Variants in TADA2A observed in about 807,000 individuals in gnomAD.
TADA2A encodes the protein transcriptional adaptor 2A.
TADA2A carries 38 observed loss-of-function variants against 67.4 expected under a neutral mutation model. The ratio of observed to expected loss-of-function variants is 0.56; its 90% confidence interval spans 0.44 to 0.74. TADA2A has a LOEUF of 0.74. Among genes scored for constraint, TADA2A ranks in the 30% least tolerant of loss-of-function variants. The pLI, the probability that TADA2A is intolerant of heterozygous loss-of-function variation, is 0.00. For missense variants in TADA2A, 454 were observed against 547.0 expected, an observed-to-expected ratio of 0.83 and a Z score of 1.70; for synonymous variants, 192 against 181.6, an observed-to-expected ratio of 1.06 and a Z score of -0.46.
rs1476301221 is a variant in TADA2A at position 37,423,015 on chromosome 17, C to T, written c.26-494C>T. ...GAGCTTTGAGAGGCCAAGGCAGGAA[C>T]ATTCTTTGAACCTAAAAGTTCAAGA... On this transcript the variant is annotated intron_variant, in intron 2 of 15. Coordinates refer to ENST00000615182, the MANE Select transcript of TADA2A (RefSeq NM_001166105.3). Among the ~76,000 whole-genome samples the T allele has an allele frequency of 2.6e-5, 4 of 152,144 alleles. No individual in the cohort carries two copies. In the East Asian group the frequency reaches 7.7e-4, roughly 29 times the overall value.
chr17:37,428,551 C>T (rs1219836009), intron 4 of TADA2A, among the ~76,000 whole-genome samples: 3 of 152,136 alleles, frequency 2.0e-5, no homozygotes, highest in African/African-American at 7.2e-5. Context: ...CCTTATCTTT[C>T]CTGTGCTGAA....
intron 3 of TADA2A, 190 bp from the exon 4 acceptor site, chr17:37,426,760 C>G: frequency 2.1e-6 from 1 of 480,408 alleles, no homozygotes; most frequent in Non-Finnish European, 3.6e-6. Flanking sequence ...TACAAGGATC[C>G]CTTGAGCCTA....
At position 37,478,130 on chromosome 17, in the gene TADA2A, A is replaced by AC. The variant is rs397939727; in HGVS notation, c.*1149dup. 26 of 150,736 alleles carry AC rather than the reference A, an allele frequency of 1.7e-4. No homozygotes were observed. Among genetic ancestry groups the AC allele is most frequent in the African/African-American group, 6.1e-4 (25 of 40,906 alleles). 9.3% of individuals were successfully genotyped at this position (150,736 alleles called of 1,614,324 possible). ...GAGACTCTGTCTCAAAAAAAAAAAA[A>AC]CAAAAAAAAACCTTTAATGTCTGGC... is the stretch of plus-strand genomic sequence containing the variant. On this transcript the variant is annotated 3_prime_UTR_variant, in exon 16 of 16. Coordinates refer to ENST00000615182, the MANE Select transcript of TADA2A (RefSeq NM_001166105.3).
intron 10 of TADA2A, 65 bp from the exon 11 acceptor site, chr17:37,465,366 A>T (rs1298021127): frequency 1.5e-6 from 2 of 1,309,036 alleles, no homozygotes; most frequent in Non-Finnish European, 2.1e-6. Flanking sequence ...AAAAAAAAAA[A>T]AATGCTGAAA....
intron 8 of TADA2A, among the ~76,000 whole-genome samples, chr17:37,455,914 A>C (rs1486401171): frequency 1.4e-5 from 2 of 143,714 alleles, no homozygotes; most frequent in African/African-American, 5.0e-5. Context: ...GATAGGAAAC[A>C]AGAATGGGGC....
chr17:37,442,552 A>G lies in TADA2A; in HGVS notation c.443-12A>G. On this transcript the variant is annotated splice_polypyrimidine_tract_variant and intron_variant, in intron 6 of 15. Coordinates refer to ENST00000615182, the MANE Select transcript of TADA2A (RefSeq NM_001166105.3). ...GTATTAGTTAACTCAGAAACCTTCT[A>G]AATTCTTCCAGCTACAGATGACCCT... The G allele has an allele frequency of 2.5e-6, 4 of 1,611,496 alleles. No individual in the cohort carries two copies. Among genetic ancestry groups the G allele is most frequent in the Non-Finnish European group, 3.4e-6 (4 of 1,178,112 alleles).
Position 37,443,423 on chromosome 17 carries a change from T to C in TADA2A, c.531+771T>C, listed in dbSNP as rs146953222. Among the ~76,000 whole-genome samples, 885 of 152,178 alleles carry C rather than the reference T, an allele frequency of 5.8e-3. 5 individuals carry two copies. The highest frequency in any genetic ancestry group is 0.018 in the African/African-American group (766 of 41,522). On this transcript the variant is annotated intron_variant, in intron 7 of 15. Transcript: ENST00000615182. ...TTCCTGCCACCATGCCTGGCTAATT[T>C]TTGTATTTTTAGTAGAGATAGGGTT...
At chr17:37,451,679 A>G (rs2053238129) in intron 8 of TADA2A, among the ~76,000 whole-genome samples, 2 of 152,124 alleles carry the variant, frequency 1.3e-5, no homozygotes, top group South Asian at 2.1e-4. Flanking sequence ...GGCATCTTGT[A>G]TCTTACAAAA....
At chr17:37,411,639 A>G (rs995962148) in intron 2 of TADA2A, among the ~76,000 whole-genome samples, 4 of 151,812 alleles carry the variant, frequency 2.6e-5, no homozygotes, top group African/African-American at 9.7e-5. Flanking sequence ...CATGTTGGCC[A>G]GACTGGTCTT....
Position 37,444,814 on chromosome 17 carries a change from A to T in TADA2A, c.604+46A>T, listed in dbSNP as rs767662968. On this transcript the variant is annotated intron_variant, in intron 8 of 15. Transcript: ENST00000615182. ...ATGTTTATCGAGCGCCAACTGTGTG[A>T]TGACACTGTCTTGGGTGCTAGGAAT... 4 of 1,538,094 alleles carry T rather than the reference A, an allele frequency of 2.6e-6. No homozygotes were observed. In the Admixed American group the frequency reaches 6.7e-5, roughly 26 times the overall value.
chr17:37,408,175 C>T (rs903590480), intron 1 of TADA2A, among the ~76,000 whole-genome samples: 4 of 152,212 alleles, frequency 2.6e-5, no homozygotes, highest in Admixed American at 2.6e-4. Flanking sequence ...GCGTGAGCCA[C>T]CGCACCCGGC....
chr17:37,471,799 C>G lies in TADA2A; in HGVS notation c.1072+662C>G, dbSNP rs149888593. Among the ~76,000 whole-genome samples the G allele has an allele frequency of 3.0e-3, 461 of 152,206 alleles. 4 individuals are homozygous for G. The highest frequency in any genetic ancestry group is 0.011 in the African/African-American group (445 of 41,550). ...GGAATTACAGGCGTGAGCCACCGTGCCCAGCCTAAACTTTTTATTTTTATA... is the reference window on the plus strand; with the variant it reads ...GGAATTACAGGCGTGAGCCACCGTGGCCAGCCTAAACTTTTTATTTTTATA... On this transcript the variant is annotated intron_variant, in intron 14 of 15. Transcript: ENST00000615182.
intron 4 of TADA2A, among the ~76,000 whole-genome samples, chr17:37,429,845 G>A (rs1421005126): frequency 2.6e-5 from 4 of 152,142 alleles, no homozygotes; most frequent in Admixed American, 6.6e-5. Flanking sequence ...AATGGCTTCA[G>A]TAATTGTAAG....
At chr17:37,467,866 C>T (rs1045728135) in intron 12 of TADA2A, among the ~76,000 whole-genome samples, 5 of 152,058 alleles carry the variant, frequency 3.3e-5, no homozygotes, top group Non-Finnish European at 7.4e-5. Flanking sequence ...TGGGTCACTT[C>T]AGTCCAGGAG....
intron 1 of TADA2A, among the ~76,000 whole-genome samples, chr17:37,409,637 C>T (rs975064125): frequency 1.3e-5 from 2 of 150,480 alleles, no homozygotes; most frequent in Non-Finnish European, 3.0e-5. Context: ...CCTGGTGGCC[C>T]GCGCCTGTAA....
At chr17:37,446,599 A>C (rs1034370252) in intron 8 of TADA2A, among the ~76,000 whole-genome samples, 2 of 40,228 alleles carry the variant, frequency 5.0e-5, no homozygotes, top group Non-Finnish European at 8.5e-5. Flanking sequence ...CCCTGTCTCT[A>C]AAAAAAAAAA....
intron 9 of TADA2A, among the ~76,000 whole-genome samples, chr17:37,460,438 T>A (rs1284860179): frequency 1.3e-5 from 2 of 151,962 alleles, no homozygotes; most frequent in African/African-American, 4.8e-5. Context: ...AGAGACACAG[T>A]TTCCCCATGT....
intron 1 of TADA2A, among the ~76,000 whole-genome samples, chr17:37,410,617 G>T (rs2051835329): frequency 6.6e-6 from 1 of 152,190 alleles, no homozygotes. Context: ...AGAAATGAGA[G>T]AAGAGTTAAA....
chr17:37,474,638 A>G lies in TADA2A; in HGVS notation c.1146+9A>G, dbSNP rs1225999705. 6.2e-7 allele frequency: 1 copy of G among 1,608,320 alleles called. No individual in the cohort carries two copies. Among genetic ancestry groups the G allele is most frequent in the Non-Finnish European group, 8.5e-7 (1 of 1,176,808 alleles). On this transcript the variant is annotated intron_variant, in intron 15 of 15. Transcript: ENST00000615182. ...ATGAAAAAGAAAAGGAGGTAACAAA[A>G]GGGAGGGGGCTGGGAGAAAGAGAAT...
Sources: allele counts gnomAD v4.1 joint callset (sites outside exome capture counted in the v4.1 genomes callset), GRCh38; gene constraint gnomAD v4.1.1; transcripts MANE v1.5; gene names NCBI Gene and HGNC (gene_info 2026-07-23, HGNC 2026-07-21).